Variants in PTBP3 observed in about 807,000 individuals in gnomAD.
The protein encoded by PTBP3 is polypyrimidine tract binding protein 3, also known as polypyrimidine tract-binding protein 3.
A neutral mutation model predicts 58.7 loss-of-function variants in PTBP3; 20 were observed. The observed-to-expected ratio is 0.34, with a 90% CI of 0.24 to 0.50. The LOEUF (loss-of-function observed/expected upper bound fraction) is 0.50, where lower values mean the gene tolerates loss of function less well. Among genes scored for constraint, PTBP3 ranks in the 20% least tolerant of loss-of-function variants. PTBP3 has a pLI of 0.98. For synonymous variants in PTBP3, 185 were observed against 219.8 expected (o/e 0.84, Z 1.40); for missense variants, 509 against 637.2 (o/e 0.80, Z 2.17).
At chr9:112,269,948 C>CTTT (rs111363648) in intron 3 of PTBP3, among the ~76,000 whole-genome samples, 21 of 143,038 alleles carry the variant, frequency 1.5e-4, no homozygotes, top group African/African-American at 5.0e-4. Context: ...TCCAAATCTT[C>CTTT]TTTTTTTTTT....
chr9:112,332,746 T>A, intron 1 of PTBP3: 1 of 1,609,286 alleles, frequency 6.2e-7, no homozygotes, highest in South Asian at 1.1e-5. Context: ...GCATTTGAAA[T>A]GCCCCCGAAA....
intron 1 of PTBP3, among the ~76,000 whole-genome samples, chr9:112,308,041 A>C (rs1829305329): frequency 6.6e-6 from 1 of 152,214 alleles, no homozygotes; most frequent in African/African-American, 2.4e-5. Flanking sequence ...GGCCCAGGGA[A>C]GCCCTGCTTT....
chr9:112,290,699 T>TACACACACACACACACACACACAC (rs1221818154), intron 2 of PTBP3, among the ~76,000 whole-genome samples: 1 of 64,622 alleles, frequency 1.5e-5, no homozygotes, highest in South Asian at 5.2e-4. Flanking sequence ...TATATATATA[T>TACACACACACACACACACACACAC]ATATATATAC....
the PTBP3 span, among the ~76,000 whole-genome samples, chr9:112,377,002 C>T: frequency 0.012 from 1,872 of 152,310 alleles, 47 homozygotes; most frequent in African/African-American, 0.043. Flanking sequence ...TCTACATTTA[C>T]GCAACTTCCA....
intron 1 of PTBP3, among the ~76,000 whole-genome samples, chr9:112,298,933 G>A (rs1038088117): frequency 6.6e-5 from 10 of 152,152 alleles, no homozygotes; most frequent in African/African-American, 2.4e-4. Context: ...AAGGAATTAA[G>A]TAAGCAGGAT....
chr9:112,344,892 G>A, the PTBP3 span, among the ~76,000 whole-genome samples: 3 of 152,112 alleles, frequency 2.0e-5, no homozygotes, highest in Non-Finnish European at 2.9e-5. Flanking sequence ...CCACACTTTG[G>A]GAGGCCGAGG....
At position 112,297,930 on chromosome 9, in the gene PTBP3, C is replaced by G; in HGVS notation, c.-51-14G>C. On this transcript the variant is annotated splice_polypyrimidine_tract_variant and intron_variant, in intron 1 of 13. Transcript: ENST00000374257. ...ATCAGATCCCCGCTGAAAAGCAAAA[C>G]CAATGTTTGGTTAATAAACCAAGTT... The G allele has an allele frequency of 6.3e-7, 1 of 1,598,908 alleles. No individual in the cohort carries two copies. Among genetic ancestry groups the G allele is most frequent in the South Asian group, 1.1e-5 (1 of 88,408 alleles).
chr9:112,333,054 G>A (rs1250513850), intron 1 of PTBP3: 7 of 1,265,490 alleles, frequency 5.5e-6, no homozygotes, highest in Non-Finnish European at 6.9e-6. Context: ...CCCCCGGCAG[G>A]AGGACGCCCG....
chr9:112,243,516 T>G (rs947252361), intron 7 of PTBP3, among the ~76,000 whole-genome samples: 1 of 151,714 alleles, frequency 6.6e-6, no homozygotes, highest in South Asian at 2.1e-4. Context: ...CACTCCAACC[T>G]GGGCAACAGA....
At chr9:112,307,140 C>T (rs1348118733) in intron 1 of PTBP3, among the ~76,000 whole-genome samples, 1 of 152,116 alleles carries the variant, frequency 6.6e-6, no homozygotes, top group East Asian at 1.9e-4. Flanking sequence ...TGTCTTATTA[C>T]ACATCAAGAA....
chr9:112,341,976 T>C, the PTBP3 span, among the ~76,000 whole-genome samples: 1 of 152,122 alleles, frequency 6.6e-6, no homozygotes, highest in Non-Finnish European at 1.5e-5. Flanking sequence ...TGAGGGTGTT[T>C]CTGGAAGAGA....
At chr9:112,244,411 C>T (rs997599893) in intron 7 of PTBP3, among the ~76,000 whole-genome samples, 4 of 151,744 alleles carry the variant, frequency 2.6e-5, no homozygotes, top group Non-Finnish European at 5.9e-5. Flanking sequence ...CAGTGGCTCA[C>T]GCTGGTAATC....
intron 2 of PTBP3, among the ~76,000 whole-genome samples, chr9:112,294,504 C>G (rs757996333): frequency 3.3e-5 from 5 of 152,072 alleles, no homozygotes; most frequent in Admixed American, 3.3e-4. Flanking sequence ...GAAAACAGAC[C>G]AAGACCCTGT....
chr9:112,244,437 G>A (rs998097711), intron 7 of PTBP3, among the ~76,000 whole-genome samples: 2 of 151,954 alleles, frequency 1.3e-5, no homozygotes, highest in Non-Finnish European at 2.9e-5. Context: ...GCTTTGGGAA[G>A]CAGAGTTTGG....
the PTBP3 span, among the ~76,000 whole-genome samples, chr9:112,377,854 T>C: frequency 6.6e-6 from 1 of 152,230 alleles, no homozygotes; most frequent in East Asian, 1.9e-4. Flanking sequence ...TGATACCATC[T>C]TCCCCCTTTG....
At chr9:112,363,782 C>T in the PTBP3 span, among the ~76,000 whole-genome samples, 1 of 152,080 alleles carries the variant, frequency 6.6e-6, no homozygotes, top group Non-Finnish European at 1.5e-5. Context: ...CACATACTCC[C>T]TCCTCCACCA....
intron 12 of PTBP3, among the ~76,000 whole-genome samples, chr9:112,227,124 G>A (rs2131954304): frequency 6.6e-6 from 1 of 152,236 alleles, no homozygotes; most frequent in East Asian, 1.9e-4. Context: ...ACGTGCCAAT[G>A]GAATACTTCT....
chr9:112,358,769 T>A, the PTBP3 span, among the ~76,000 whole-genome samples: 1 of 152,052 alleles, frequency 6.6e-6, no homozygotes, highest in East Asian at 1.9e-4. Context: ...CAGAAAAAAA[T>A]GTCAATCACA....
chr9:112,353,115 G>A, the PTBP3 span, among the ~76,000 whole-genome samples: 1 of 151,264 alleles, frequency 6.6e-6, no homozygotes, highest in African/African-American at 2.4e-5. Flanking sequence ...TGGCCAGGCT[G>A]GTCTCAAACT....
Sources: gnomAD v4.1 joint callset for allele counts (sites outside exome capture counted in the v4.1 genomes callset) on GRCh38, gnomAD v4.1.1 for gene constraint, MANE v1.5 for transcripts, NCBI Gene and HGNC (gene_info 2026-07-23, HGNC 2026-07-21) for gene names.